HIBCH: variants seen among roughly 807,000 people sequenced by gnomAD.
HIBCH encodes 3-hydroxyisobutyryl-CoA hydrolase, mitochondrial.
A neutral mutation model predicts 58.2 loss-of-function variants in HIBCH; 50 were observed. That is an observed-to-expected ratio of 0.86 (90% CI 0.68 to 1.09). The LOEUF is 1.09. Among genes scored for constraint, HIBCH ranks in the 50% least tolerant of loss-of-function variants. The pLI is 0.00. For missense variants in HIBCH, 450 were observed against 449.7 expected, an observed-to-expected ratio of 1.00 and a Z score of -0.01; for synonymous variants, 151 against 146.9, an observed-to-expected ratio of 1.03 and a Z score of -0.20.
In HIBCH at chr2:190,254,757, TC is replaced by T. The variant is rs892465081; in HGVS notation, c.518-2451del. Among the ~76,000 whole-genome samples the T allele has an allele frequency of 6.6e-6, 1 of 152,140 alleles. No individual in the cohort carries two copies. Among genetic ancestry groups the T allele is most frequent in the African/African-American group, 2.4e-5 (1 of 41,422 alleles). Reference sequence around the variant, plus strand: ...AGCCCAAAACATGTTTCAAATCTATTCACTCTTTTCAACTCTATACCTCCAA... The same window carrying T: ...AGCCCAAAACATGTTTCAAATCTATTACTCTTTTCAACTCTATACCTCCAA... On this transcript the variant is annotated intron_variant, in intron 7 of 13. Transcript: ENST00000359678. This position sits in a 1 kb window ranked among gnomAD's most constrained non-coding sequence, Gnocchi z 5.0.
chr2:190,256,409 A>T (rs1686922935), intron 7 of HIBCH, among the ~76,000 whole-genome samples: 1 of 148,094 alleles, frequency 6.8e-6, no homozygotes. Flanking sequence ...AGTGGGAAAT[A>T]ATTAGCCCTA....
chr2:190,190,593 GGTAA>G (rs142579564), intron 1 of HIBCH, among the ~76,000 whole-genome samples: 17,135 of 151,984 alleles, frequency 0.11, 1,415 homozygotes, highest in East Asian at 0.29. Context: ...TGGTTCACAG[GGTAA>G]GTGTGTGGTT....
intron 7 of HIBCH, among the ~76,000 whole-genome samples, chr2:190,253,495 C>T (rs532649043): frequency 6.6e-6 from 1 of 152,216 alleles, no homozygotes; most frequent in South Asian, 2.1e-4. Flanking sequence ...CGCGCCAGTC[C>T]CACAATCTTC....
At chr2:190,212,602 CTCT>C (rs1282095738) in intron 12 of HIBCH, among the ~76,000 whole-genome samples, 5 of 151,998 alleles carry the variant, frequency 3.3e-5, no homozygotes, top group African/African-American at 1.2e-4. Flanking sequence ...ATAAATAATC[CTCT>C]TCATTTTACC....
intron 8 of HIBCH, among the ~76,000 whole-genome samples, chr2:190,251,849 T>C (rs1013416252): frequency 6.6e-6 from 1 of 152,148 alleles, no homozygotes; most frequent in Non-Finnish European, 1.5e-5. Context: ...TAAATTTAGA[T>C]TTGTACATAT....
At position 190,306,585 on chromosome 2, in the gene HIBCH, A is replaced by C. The variant is rs1688413157; in HGVS notation, c.78+4169T>G. Among the ~76,000 whole-genome samples, 1 of 152,216 alleles carries C rather than the reference A, an allele frequency of 6.6e-6. No homozygotes were observed. The highest frequency in any genetic ancestry group is 6.5e-5 in the Admixed American group (1 of 15,280). ...CTCTGTATCACTCCCCTGAGGCTTA[A>C]GCAAGAGAAACCTTGCTCAGTGTTG... On this transcript the variant is annotated intron_variant, in intron 2 of 13. Coordinates refer to ENST00000359678, the MANE Select transcript of HIBCH (RefSeq NM_014362.4). The surrounding 1 kb of genome is among the most constrained non-coding windows in gnomAD (Gnocchi z 4.6).
downstream of HIBCH, chr2:190,199,899 T>TA (rs752557583): frequency 6.2e-7 from 1 of 1,613,996 alleles, no homozygotes; most frequent in Non-Finnish European, 8.5e-7. Context: ...TCCCATTTCC[T>TA]ACCATATATG....
In HIBCH at chr2:190,310,816, C is replaced by T. The variant is rs1471375080; in HGVS notation, c.36-20G>A. ...TTAAACCTGAAACAAATGTGGAAAACAATGAGAACAGTAATGTGGGTAGTC... is the reference window on the plus strand; with the variant it reads ...TTAAACCTGAAACAAATGTGGAAAATAATGAGAACAGTAATGTGGGTAGTC... On this transcript the variant is annotated intron_variant, in intron 1 of 13. Transcript: ENST00000359678. 6.4e-7 allele frequency: 1 copy of T among 1,560,056 alleles called. No individual in the cohort carries two copies. The highest frequency in any genetic ancestry group is 1.7e-5 in the Admixed American group (1 of 59,958).
chr2:190,191,242 A>G (rs1429329937), intron 1 of HIBCH, among the ~76,000 whole-genome samples: 2 of 152,082 alleles, frequency 1.3e-5, no homozygotes, highest in African/African-American at 4.8e-5. Flanking sequence ...TCCTGGATTC[A>G]GGTGATTCTC....
chr2:190,288,609 C>A (rs886419827), intron 5 of HIBCH, among the ~76,000 whole-genome samples: 5 of 151,548 alleles, frequency 3.3e-5, no homozygotes, highest in Non-Finnish European at 7.4e-5. Flanking sequence ...GAGTTACATT[C>A]CATGTTGTTA....
At chr2:190,224,071 C>G (rs1268243450) in intron 11 of HIBCH, among the ~76,000 whole-genome samples, 4 of 152,190 alleles carry the variant, frequency 2.6e-5, no homozygotes, top group African/African-American at 4.8e-5. Flanking sequence ...CTGCACTTTT[C>G]CAACGGTCTT....
rs1251916510 is a variant in HIBCH, at chr2:190,204,108, G to T, written c.*1009C>A. On this transcript the variant is annotated 3_prime_UTR_variant, in exon 14 of 14. Transcript: ENST00000359678. ...TTAGTTTAAAAATTATTCTTGCCTA[G>T]AACTTTAAGGTTCTGAGTCTGGAAT... 1 of 151,826 alleles carries T rather than the reference G, an allele frequency of 6.6e-6. No homozygotes were observed. Among genetic ancestry groups the T allele is most frequent in the Non-Finnish European group, 1.5e-5 (1 of 67,902 alleles). 9.4% of individuals were successfully genotyped at this position (151,826 alleles called of 1,614,324 possible).
In HIBCH at chr2:190,304,252, TA is replaced by T. The variant is rs34508159; in HGVS notation, c.78+6501del. ...GAATACCTGAAACTGTGTAATTTGT[TA>T]AAAAAAAAAAAAAAAAGGAATTTAT... is the stretch of plus-strand genomic sequence containing the variant. On this transcript the variant is annotated intron_variant, in intron 2 of 13. Transcript: ENST00000359678. The surrounding 1 kb of genome is among the most constrained non-coding windows in gnomAD (Gnocchi z 4.1). Among the ~76,000 whole-genome samples the T allele has an allele frequency of 0.061, 8,906 of 145,426 alleles. 385 individuals are homozygous for T. The highest frequency in any genetic ancestry group is 0.13 in the African/African-American group (4,974 of 39,494).
intron 1 of HIBCH, among the ~76,000 whole-genome samples, chr2:190,191,557 A>C (rs943692722): frequency 6.6e-6 from 1 of 152,186 alleles, no homozygotes; most frequent in African/African-American, 2.4e-5. Flanking sequence ...GAAACTGCCA[A>C]ACTTTTCCAG....
chr2:190,287,992 T>TA (rs71401246), intron 5 of HIBCH, among the ~76,000 whole-genome samples: 2 of 151,796 alleles, frequency 1.3e-5, no homozygotes, highest in Non-Finnish European at 2.9e-5. Context: ...CTCCCTCTCT[T>TA]AAAAAAAGTA....
downstream of HIBCH, among the ~76,000 whole-genome samples, chr2:190,199,271 TCA>T (rs1362761919): frequency 1.3e-5 from 2 of 152,214 alleles, no homozygotes; most frequent in Admixed American, 6.5e-5. Context: ...ACATGGTCTG[TCA>T]CAGTTATTCA....
At chr2:190,314,710 C>G (rs781168044) in intron 1 of HIBCH, among the ~76,000 whole-genome samples, 2 of 152,112 alleles carry the variant, frequency 1.3e-5, no homozygotes, top group Non-Finnish European at 2.9e-5. Flanking sequence ...AACTCCCAAC[C>G]TCAGGTGATC....
intron 11 of HIBCH, among the ~76,000 whole-genome samples, chr2:190,241,176 T>A (rs559151541): frequency 2.6e-4 from 40 of 152,322 alleles, no homozygotes; most frequent in African/African-American, 7.5e-4. Flanking sequence ...GAATATATAT[T>A]TAGGATAGTT....
Position 190,197,172 on chromosome 2 carries a change from G to A in HIBCH, c.*18-7175C>T, listed in dbSNP as rs1690018856. ...CGTTGGGGATTAGGTTTCAATATAT[G>A]AATTTGGAGAAGCCACAAACATCCT... is the stretch of plus-strand genomic sequence containing the variant. On this transcript the variant is annotated intron_variant, in intron 1 of 1. Transcript: ENST00000399855. The surrounding 1 kb of genome is among the most constrained non-coding windows in gnomAD (Gnocchi z 4.0). Among the ~76,000 whole-genome samples, 1 of 152,152 alleles carries A rather than the reference G, an allele frequency of 6.6e-6. No homozygotes were observed. The highest frequency in any genetic ancestry group is 2.4e-5 in the African/African-American group (1 of 41,426).
Sources: gnomAD v4.1 joint callset for allele counts (sites outside exome capture counted in the v4.1 genomes callset) on GRCh38, gnomAD v4.1.1 for gene constraint, Gnocchi (gnomAD v3.1) non-coding constraint, MANE v1.5 for transcripts, NCBI Gene and HGNC (gene_info 2026-07-23, HGNC 2026-07-21) for gene names.